Variants in HYI observed in about 807,000 individuals in gnomAD.
HYI encodes hydroxypyruvate isomerase (putative).
HYI carries 47 observed loss-of-function variants against 39.7 expected under a neutral mutation model. The observed-to-expected ratio is 1.18, with a 90% CI of 0.94 to 1.51. The LOEUF (loss-of-function observed/expected upper bound fraction) is 1.51. Among genes scored for constraint, HYI ranks in the 40% most tolerant of loss-of-function variants. The probability of loss-of-function intolerance (pLI) is 0.00; values close to 1 mark genes in which losing one functional copy is unlikely to be tolerated. For missense variants in HYI, 465 were observed against 370.3 expected (o/e 1.26, Z -2.10); for synonymous variants, 186 against 158.8 (o/e 1.17, Z -1.29).
chr1:43,452,996 T>C (rs769621244), intron 2 of HYI: 1 of 1,571,834 alleles, frequency 6.4e-7, no homozygotes, highest in Non-Finnish European at 8.7e-7. Flanking sequence ...CATCAAGCAA[T>C]GCCCACTCCT....
At position 43,451,016 on chromosome 1, in the gene HYI, CCTT is replaced by C. The variant is rs750107731; in HGVS notation, c.*219_*221del. 4.9e-4 allele frequency: 376 copies of C among 769,966 alleles called. No homozygotes were observed. Among genetic ancestry groups the C allele is most frequent in the Admixed American group, 8.6e-4 (51 of 59,016 alleles). The allele number at this position is 769,966 out of a possible 1,614,324, so 47.7% of individuals were successfully genotyped here. A position where few individuals can be genotyped will look rare whatever the true frequency, so the allele number is the denominator to read the frequency against. ...TGCTCTCGGACCCTGGGTTTCTCAT[CCTT>C]TAATGAGGTGGGTTCAGAAGCTCTC... On this transcript the variant is annotated 3_prime_UTR_variant, in exon 8 of 8. Transcript: ENST00000372430.
chr1:43,450,998 G>C lies in HYI; in HGVS notation c.*240C>G. ...GCCACCGTCAAGTCCCTTTGCTCTC[G>C]GACCCTGGGTTTCTCATCCTTTAAT... On this transcript the variant is annotated 3_prime_UTR_variant, in exon 8 of 8. Coordinates refer to ENST00000372430, the MANE Select transcript of HYI (RefSeq NM_001190880.3). The surrounding 1 kb of genome is among the most constrained non-coding windows in gnomAD (Gnocchi z 4.3). 2 of 766,582 alleles carry C rather than the reference G, an allele frequency of 2.6e-6. No individual in the cohort carries two copies. The highest frequency in any genetic ancestry group is 3.4e-5 in the Admixed American group (2 of 59,010). The allele number at this position is 766,582 out of a possible 1,614,324, so 47.5% of individuals were successfully genotyped here.
At chr1:43,453,550 C>A in intron 1 of HYI, 45 bp downstream of exon 1, 1 of 1,521,476 alleles carries the variant, frequency 6.6e-7, no homozygotes, top group South Asian at 1.3e-5. Context: ...CTGCCCGCGC[C>A]CCGGCACCCC....
intron 1 of HYI, 35 bp downstream of exon 1, chr1:43,453,560 C>A: frequency 6.6e-7 from 1 of 1,512,904 alleles, no homozygotes; most frequent in East Asian, 2.5e-5. Context: ...CCCGGCACCC[C>A]CCAGCCCTCC....
At position 43,451,203 on chromosome 1, in the gene HYI, C is replaced by T. The variant is rs759759440; in HGVS notation, c.*35G>A. ...GCAGAGGAGGAGATGGGATGTCACT[C>T]GCTGTCTGGAGGCACGTGGGTGGTG... On this transcript the variant is annotated 3_prime_UTR_variant, in exon 8 of 8. Coordinates refer to ENST00000372430, the MANE Select transcript of HYI (RefSeq NM_001190880.3). The T allele has an allele frequency of 9.4e-6, 15 of 1,594,036 alleles. No homozygotes were observed. Among genetic ancestry groups the T allele is most frequent in the Non-Finnish European group, 1.1e-5 (13 of 1,161,926 alleles).
At chr1:43,452,872 C>T (rs775096207) in intron 2 of HYI, 4 of 1,573,310 alleles carry the variant, frequency 2.5e-6, no homozygotes, top group Non-Finnish European at 3.4e-6. Context: ...AGCAGACATT[C>T]CAGGCCTCCC....
chr1:43,453,444 C>G lies in HYI; in HGVS notation c.253G>C (p.Ala85Pro). 1 of 1,564,206 alleles carries G rather than the reference C, an allele frequency of 6.4e-7. No homozygotes were observed. Among genetic ancestry groups the G allele is most frequent in the Non-Finnish European group, 8.7e-7 (1 of 1,153,258 alleles). Residue 85 changes from alanine to proline, a missense_variant, in exon 2 of 8, where the codon GCC becomes CCC. Physicochemically the swap from Ala to Pro is conservative, Grantham distance 27 (BLOSUM62 -1). Coordinates refer to ENST00000372430, the MANE Select transcript of HYI (RefSeq NM_001190880.3). ...GCCTGCTCCAGTCCCTCTCGGAAGGCCGCCTGTCTCCCGGGGACGGCCCCC... is the reference window on the plus strand; with the variant it reads ...GCCTGCTCCAGTCCCTCTCGGAAGGGCGCCTGTCTCCCGGGGACGGCCCCC... ...GLGAVPGRQA[A>P]FREGLEQAVR...
intron 2 of HYI, 24 bp downstream of exon 2, chr1:43,453,362 T>TGG: frequency 1.1e-6 from 1 of 877,788 alleles, no homozygotes; most frequent in Non-Finnish European, 1.4e-6. Context: ...GTCACAGGGG[T>TGG]GGGGGTGGGG....
Position 43,453,640 on chromosome 1 carries a change from C to G in HYI, c.154G>C (p.Ala52Pro), listed in dbSNP as rs1456631721. 6.7e-7 allele frequency: 1 copy of G among 1,491,382 alleles called. No homozygotes were observed. The highest frequency in any genetic ancestry group is 2.3e-5 in the Admixed American group (1 of 42,830). 92.4% of individuals were successfully genotyped at this position (1,491,382 alleles called of 1,614,324 possible). ...ACAAGCCGCAGCCCCGCTTCTCGCG[C>G]GGCGCGCGCCAGCGCCTCAGGCGTC... ...AETPEALARA[A>P]REAGLRLVLI... The change falls in exon 1 of 8, where the codon GCG (alanine) becomes CCG (proline). Residue 52 changes from alanine to proline, a missense_variant. By Grantham distance (27) the Ala-to-Pro change is conservative (BLOSUM62 -1). Transcript: ENST00000372430.
intron 2 of HYI, chr1:43,452,974 C>CA (rs773650899): frequency 5.0e-6 from 8 of 1,607,644 alleles, no homozygotes; most frequent in Non-Finnish European, 6.8e-6. Flanking sequence ...AAGGAACACT[C>CA]AACTTCCTGC....
chr1:43,452,539 G>A, intron 2 of HYI: 2 of 653,756 alleles, frequency 3.1e-6, no homozygotes, highest in Non-Finnish European at 5.6e-6. Flanking sequence ...ACCGCCTCCT[G>A]CCTCCAGTAC....
chr1:43,453,183 G>T, intron 2 of HYI: 1 of 646,708 alleles, frequency 1.5e-6, no homozygotes, highest in South Asian at 1.8e-5. Context: ...ATCCCAGCAT[G>T]GGGTGAGCAT....
chr1:43,453,212 GT>G (rs1235993954), intron 2 of HYI, 173 bp downstream of exon 2: 2 of 641,070 alleles, frequency 3.1e-6, no homozygotes, highest in African/African-American at 3.6e-5. Flanking sequence ...GGCAAACAGA[GT>G]GGCATAAGAC....
chr1:43,452,554 C>CAA (rs1656560371), intron 2 of HYI: 1 of 628,050 alleles, frequency 1.6e-6, no homozygotes, highest in Admixed American at 2.4e-5. Context: ...CAGTACTTTC[C>CAA]AAAACCTTTC....
At chr1:43,452,372 C>G (rs1044151283) in intron 2 of HYI, 53 bp from the exon 3 acceptor site, 17 of 1,406,484 alleles carry the variant, frequency 1.2e-5, no homozygotes, top group Non-Finnish European at 1.5e-5. Context: ...CTCTGCACCT[C>G]TTCCAGGATT....
chr1:43,451,386 C>A, intron 7 of HYI, 24 bp downstream of exon 7: 1 of 1,612,022 alleles, frequency 6.2e-7, no homozygotes, highest in East Asian at 2.2e-5. Flanking sequence ...CTCCAGAGCT[C>A]CCTTCCCCAG....
At position 43,451,180 on chromosome 1, in the gene HYI, A is replaced by C; in HGVS notation, c.*58T>G. 1 of 1,462,006 alleles carries C rather than the reference A, an allele frequency of 6.8e-7. No homozygotes were observed. Among genetic ancestry groups the C allele is most frequent in the Non-Finnish European group, 9.6e-7 (1 of 1,041,562 alleles). The allele number at this position is 1,462,006 out of a possible 1,614,324, so 90.6% of individuals were successfully genotyped here. A position where few individuals can be genotyped will look rare whatever the true frequency, so the allele number is the denominator to read the frequency against. On this transcript the variant is annotated 3_prime_UTR_variant, in exon 8 of 8. Transcript: ENST00000372430. ...ATGTTCAGCAGGTCATCTTTAATGC[A>C]GAGGAGGAGATGGGATGTCACTCGC...
intron 2 of HYI, 42 bp downstream of exon 2, chr1:43,453,344 G>T (rs1037542115): frequency 7.4e-7 from 1 of 1,352,536 alleles, no homozygotes. Context: ...CCTGCATCAG[G>T]GTCATGGGTC....
chr1:43,451,744 G>A (rs368527437), intron 5 of HYI, 27 bp from the exon 6 acceptor site: 12 of 1,613,530 alleles, frequency 7.4e-6, no homozygotes, highest in Non-Finnish European at 1.0e-5. Context: ...TACATTCCGA[G>A]ACCCCGCAGG....
Sources: gnomAD v4.1 joint callset for allele counts on GRCh38, gnomAD v4.1.1 for gene constraint, Gnocchi (gnomAD v3.1) non-coding constraint, MANE v1.5 for transcripts, NCBI Gene and HGNC (gene_info 2026-07-23, HGNC 2026-07-21) for gene names.